The following WDR45 variants were observed in gnomAD, a reference collection of about 807,000 sequenced individuals.
WDR45 encodes WD repeat domain 45, also known as WD repeat domain phosphoinositide-interacting protein 4.
Under a neutral mutation model 27.3 loss-of-function variants are expected in WDR45, and 2 were observed. That is an observed-to-expected ratio of 0.07 (90% CI 0.03 to 0.23). The LOEUF is 0.23. Among genes scored for constraint, WDR45 ranks in the 10% least tolerant of loss-of-function variants. The pLI is 1.00. For synonymous variants in WDR45, 99 were observed against 119.2 expected, an observed-to-expected ratio of 0.83 and a Z score of 1.11; for missense variants, 175 against 311.9, an observed-to-expected ratio of 0.56 and a Z score of 3.31.
chrX:49,084,577 C>T (rs1274982829), upstream of WDR45, among the ~76,000 whole-genome samples: 2 of 109,763 alleles, frequency 1.8e-5, no homozygotes, highest in Non-Finnish European at 3.8e-5. Context: ...CCAACTTTGT[C>T]CTCTCACAGG....
At chrX:49,081,858 C>G (rs905993525), upstream of WDR45, among the ~76,000 whole-genome samples, 1 of 105,589 alleles carries the variant, frequency 9.5e-6, no homozygotes, top group Non-Finnish European at 1.9e-5. Context: ...GTGGCGGGCA[C>G]CTGTAAGTCC....
chrX:49,090,311 G>A (rs1291482157), intron 2 of WDR45, among the ~76,000 whole-genome samples: 4 of 111,437 alleles, frequency 3.6e-5, no homozygotes, highest in African/African-American at 9.8e-5. Context: ...TGATCCACCC[G>A]GCTGTGCCTC....
At chrX:49,075,111 C>A in intron 10 of WDR45, 25 bp downstream of exon 10, 1 of 1,207,301 alleles carries the variant, frequency 8.3e-7, no homozygotes, top group South Asian at 1.8e-5. Flanking sequence ...GCAGTACCCC[C>A]AACCAAGGGG....
At chrX:49,076,206 G>A in intron 6 of WDR45, 1 of 472,659 alleles carries the variant, frequency 2.1e-6, no homozygotes, top group South Asian at 3.3e-5. Flanking sequence ...TCCTCACGAG[G>A]TGTTTTTGCT....
Position 49,079,622 on chromosome X carries a change from C to A in WDR45, c.-18+129G>T, listed in dbSNP as rs190145257. The A allele has an allele frequency of 2.7e-5, 3 of 112,683 alleles. No individual in the cohort carries two copies. The Admixed American group carries it at 2.8e-4, about 11-fold the overall frequency. 9.3% of individuals were successfully genotyped at this position (112,683 alleles called of 1,213,427 possible). On this transcript the variant is annotated intron_variant, in intron 1 of 10. Coordinates refer to ENST00000376372, the MANE Select transcript of WDR45 (RefSeq NM_001029896.2). Reference sequence around the variant, plus strand: ...CCTTTTTTGCACCTCCATTCCAAGACTCTGTCCGGGATGCCTCGCCCCTCT... The same window carrying A: ...CCTTTTTTGCACCTCCATTCCAAGAATCTGTCCGGGATGCCTCGCCCCTCT...
intron 2 of WDR45, among the ~76,000 whole-genome samples, chrX:49,090,543 AT>A (rs1217677914): frequency 1.9e-5 from 2 of 106,806 alleles, no homozygotes; most frequent in African/African-American, 3.4e-5. Flanking sequence ...ATCTCCAATA[AT>A]TTTTTTTTTT....
rs1476900829 is a variant in WDR45 at position 49,076,056 on chromosome X, C to G, written c.437-111G>C. 5 of 663,007 alleles carry G rather than the reference C, an allele frequency of 7.5e-6. No homozygotes were observed. In the African/African-American group the frequency reaches 1.1e-4, roughly 14 times the overall value. The allele number at this position is 663,007 out of a possible 1,213,427, so 54.6% of individuals were successfully genotyped here. On this transcript the variant is annotated intron_variant, in intron 6 of 10. Transcript: ENST00000376372. ...TCAACCCTCCACGATAAGCTTAACCCGAAGAACCCTGAGGGGGCTCAGCTC... is the reference window on the plus strand; with the variant it reads ...TCAACCCTCCACGATAAGCTTAACCGGAAGAACCCTGAGGGGGCTCAGCTC...
At chrX:49,083,516 A>T (rs1289692963), upstream of WDR45, among the ~76,000 whole-genome samples, 1 of 110,143 alleles carries the variant, frequency 9.1e-6, no homozygotes, top group African/African-American at 3.3e-5. Context: ...CTGGAACACC[A>T]GACTCAAACG....
In WDR45 at chrX:49,076,509, C is replaced by T. The variant is rs2147816314; in HGVS notation, c.357G>A (p.Leu119=). ...RMRHDKIVIV[L]KNRIYVYSFP... Reference sequence around the variant, plus strand: ...AGGAGTACACATAGATGCGGTTCTTCAGCACGATCACGATCCTGTGGGTAT... The same window carrying T: ...AGGAGTACACATAGATGCGGTTCTTTAGCACGATCACGATCCTGTGGGTAT... Residue 119 remains leucine (L), a synonymous_variant, in exon 6 of 11, where the codon CTG becomes CTA. Coordinates refer to ENST00000376372, the MANE Select transcript of WDR45 (RefSeq NM_001029896.2). 8.3e-7 allele frequency: 1 copy of T among 1,212,108 alleles called. No homozygotes were observed. The highest frequency in any genetic ancestry group is 1.1e-6 in the Non-Finnish European group (1 of 895,560).
rs185442417 is a variant in WDR45 at position 49,085,210 on chromosome X, T to C, written c.-17-7098A>G. 6.0e-4 allele frequency among the ~76,000 whole-genome samples: 67 copies of C among 111,595 alleles called. 3 individuals carry two copies. In the South Asian group the frequency reaches 0.015, roughly 24 times the overall value. ...CTGCAGAGGGTCCCCCTTCAGTATT[T>C]AGCGGAGTGCTTATCAACACATGCA... On this transcript the variant is annotated intron_variant, in intron 2 of 11. Coordinates refer to the WDR45 transcript ENST00000356463.
rs1222067322 is a variant in WDR45 at position 49,077,660 on chromosome X, T to C, written c.218A>G (p.Lys73Arg). 1.7e-6 allele frequency: 2 copies of C among 1,199,468 alleles called. No individual in the cohort carries two copies. Among genetic ancestry groups the C allele is most frequent in the Non-Finnish European group, 1.1e-6 (1 of 889,420 alleles). Residue 73 changes from lysine to arginine, a missense_variant, in exon 4 of 11, where the codon AAG becomes AGG. This residue lies in a region of WDR45 where 102 missense variants were observed against 165.4 expected (regional missense o/e 0.62). Coordinates refer to ENST00000376372, the MANE Select transcript of WDR45 (RefSeq NM_001029896.2). ...LALVGGGSSP[K>R]FSEISVLIWD... is the part of the protein sequence containing the mutation. ...GCACTTACCTGAGATCTCTGAGAAC[T>C]TGGGACTACTACCACCGCCCACCAA...
chrX:49,076,423 C>G lies in WDR45; in HGVS notation c.436+7G>C. 3 of 1,210,692 alleles carry G rather than the reference C, an allele frequency of 2.5e-6. No individual in the cohort carries two copies. The highest frequency in any genetic ancestry group is 2.2e-6 in the Non-Finnish European group (2 of 894,655). ...GCCCTTACACCTGTGTATCTGAGCCCTCTCACCCTTGGGGTTGTCCCGGGT... is the reference window on the plus strand; with the variant it reads ...GCCCTTACACCTGTGTATCTGAGCCGTCTCACCCTTGGGGTTGTCCCGGGT... On this transcript the variant is annotated splice_region_variant and intron_variant, in intron 6 of 10. Coordinates refer to ENST00000376372, the MANE Select transcript of WDR45 (RefSeq NM_001029896.2).
At chrX:49,094,498 G>A (rs1448152849) in intron 2 of WDR45, among the ~76,000 whole-genome samples, 1 of 110,058 alleles carries the variant, frequency 9.1e-6, no homozygotes, top group African/African-American at 3.3e-5. Flanking sequence ...TTGTAGAGAC[G>A]GGGTTTCCCC....
intron 2 of WDR45, among the ~76,000 whole-genome samples, chrX:49,086,787 T>C (rs1224684013): frequency 1.8e-5 from 2 of 109,481 alleles, no homozygotes; most frequent in African/African-American, 3.3e-5. Context: ...GAGATGGGGT[T>C]TCACTGTGTC....
In WDR45 at chrX:49,078,105, T is replaced by C; in HGVS notation, c.-10A>G. ...GTGGCTGTTGAGTCATGGTGCAGGA[T>C]TGTTCCTCTGCATACAAATGGGATA... On this transcript the variant is annotated 5_prime_UTR_variant, in exon 2 of 11. Coordinates refer to ENST00000376372, the MANE Select transcript of WDR45 (RefSeq NM_001029896.2). 8.3e-7 allele frequency: 1 copy of C among 1,210,796 alleles called. No homozygotes were observed. Among genetic ancestry groups the C allele is most frequent in the Non-Finnish European group, 1.1e-6 (1 of 894,489 alleles).
intron 2 of WDR45, among the ~76,000 whole-genome samples, chrX:49,095,822 G>A (rs1189164855): frequency 1.7e-4 from 13 of 78,252 alleles, no homozygotes; most frequent in African/African-American, 6.1e-4. Context: ...AGAGTGCAAT[G>A]GCGTGATCTG....
At chrX:49,095,416 G>A (rs1197935624) in intron 2 of WDR45, among the ~76,000 whole-genome samples, 3 of 109,061 alleles carry the variant, frequency 2.8e-5, no homozygotes, top group Non-Finnish European at 5.7e-5. Flanking sequence ...CAAGGCGGGC[G>A]AGCCTCCTGA....
chrX:49,093,304 C>T (rs963012277), intron 2 of WDR45, among the ~76,000 whole-genome samples: 2 of 105,617 alleles, frequency 1.9e-5, no homozygotes, highest in East Asian at 3.0e-4. Flanking sequence ...TTTTTTGAGA[C>T]GGAACTTTGC....
At chrX:49,087,889 C>G (rs1266570913) in intron 2 of WDR45, among the ~76,000 whole-genome samples, 1 of 112,222 alleles carries the variant, frequency 8.9e-6, no homozygotes, top group Non-Finnish European at 1.9e-5. Flanking sequence ...AGAGCGAGAC[C>G]CAGTCTCAAA....
Sources: gnomAD v4.1 joint callset for allele counts (sites outside exome capture counted in the v4.1 genomes callset) on GRCh38, gnomAD v4.1.1 for gene constraint, gnomAD v4.1.1 regional missense constraint, MANE v1.5 for transcripts, NCBI Gene and HGNC (gene_info 2026-07-23, HGNC 2026-07-21) for gene names.